The following CNTN3 variants were observed in gnomAD, a reference collection of about 807,000 sequenced individuals.
The protein encoded by CNTN3 is contactin 3.
A neutral mutation model predicts 119.1 loss-of-function variants in CNTN3; 60 were observed. The ratio of observed to expected loss-of-function variants is 0.50; its 90% CI spans 0.41 to 0.62. The LOEUF (loss-of-function observed/expected upper bound fraction) is 0.62. Ranked by LOEUF, CNTN3 falls within the 20% of genes least tolerant of loss-of-function variation. The pLI, the probability that CNTN3 is intolerant of heterozygous loss-of-function variation, is 0.00. For synonymous variants in CNTN3, 450 were observed against 438.7 expected (o/e 1.03, Z -0.32); for missense variants, 1,101 against 1,242.4 (o/e 0.89, Z 1.71).
At chr3:74,417,513 A>G (rs961308413) in intron 5 of CNTN3, among the ~76,000 whole-genome samples, 1 of 152,242 alleles carries the variant, frequency 6.6e-6, no homozygotes, top group South Asian at 2.1e-4. Context: ...GAGTAAATCA[A>G]TGAATGAATA....
At chr3:74,582,160 A>C (rs1015236933) in intron 1 of CNTN3, among the ~76,000 whole-genome samples, 2 of 152,180 alleles carry the variant, frequency 1.3e-5, no homozygotes, top group African/African-American at 4.8e-5. Context: ...TAATCCCAGC[A>C]CTTTGGGAGG....
At chr3:74,506,418 G>A (rs1023763202) in intron 2 of CNTN3, among the ~76,000 whole-genome samples, 6 of 152,074 alleles carry the variant, frequency 3.9e-5, no homozygotes, top group African/African-American at 1.2e-4. Context: ...TAGTTATAGC[G>A]CAGGACATAA....
intron 13 of CNTN3, among the ~76,000 whole-genome samples, chr3:74,310,198 A>G (rs896721590): frequency 6.6e-6 from 1 of 152,200 alleles, no homozygotes; most frequent in Non-Finnish European, 1.5e-5. Flanking sequence ...TATGAATGTT[A>G]CATAAGAGAA....
chr3:74,272,487 A>C (rs1701796818), intron 20 of CNTN3, among the ~76,000 whole-genome samples: 1 of 152,236 alleles, frequency 6.6e-6, no homozygotes. Context: ...AGCTTACAAA[A>C]CTAGGAATAA....
At chr3:74,539,967 T>C (rs1033885635) in intron 1 of CNTN3, among the ~76,000 whole-genome samples, 1 of 152,110 alleles carries the variant, frequency 6.6e-6, no homozygotes. Flanking sequence ...AATCCAGACC[T>C]GTATGACCCG....
intron 20 of CNTN3, 164 bp from the exon 21 acceptor site, chr3:74,267,542 A>C: frequency 1.9e-6 from 1 of 518,560 alleles, no homozygotes; most frequent in Non-Finnish European, 3.4e-6. Flanking sequence ...AGAGTATATA[A>C]ATTTCCTTTT....
Position 74,263,759 on chromosome 3 carries a change from G to A in CNTN3, c.*642C>T, listed in dbSNP as rs1023885947. ...CATGGGGCAAAGTCTGATCAGATAG[G>A]TATTATTATCTCCATATTTTATAGA... On this transcript the variant is annotated 3_prime_UTR_variant, in exon 23 of 23. Coordinates refer to ENST00000263665, the MANE Select transcript of CNTN3 (RefSeq NM_020872.3). 5 of 151,946 alleles carry A rather than the reference G, an allele frequency of 3.3e-5. No homozygotes were observed. Among genetic ancestry groups the A allele is most frequent in the Admixed American group, 3.3e-4 (5 of 15,228 alleles). 9.4% of individuals were successfully genotyped at this position (151,946 alleles called of 1,614,324 possible).
intron 5 of CNTN3, among the ~76,000 whole-genome samples, chr3:74,415,422 C>A (rs1701504461): frequency 6.6e-6 from 1 of 152,140 alleles, no homozygotes; most frequent in African/African-American, 2.4e-5. Context: ...TCCATGCTGA[C>A]TTTAATCCAA....
intron 4 of CNTN3, among the ~76,000 whole-genome samples, chr3:74,481,463 C>T (rs1702762396): frequency 6.6e-6 from 1 of 151,780 alleles, no homozygotes; most frequent in Admixed American, 6.6e-5. Context: ...TAGTAAAACT[C>T]CACATGTTTG....
intron 5 of CNTN3, among the ~76,000 whole-genome samples, chr3:74,406,535 A>G (rs909206025): frequency 2.0e-5 from 3 of 151,394 alleles, no homozygotes; most frequent in African/African-American, 2.4e-5. Context: ...ACACTGAACT[A>G]TGTGTTTTTT....
intron 20 of CNTN3, among the ~76,000 whole-genome samples, chr3:74,283,066 C>T (rs1464826172): frequency 1.3e-5 from 2 of 152,126 alleles, no homozygotes; most frequent in East Asian, 3.9e-4. Context: ...CCATGACCAC[C>T]TGTGATCATC....
At chr3:74,612,362 G>C (rs555330107) in intron 1 of CNTN3, among the ~76,000 whole-genome samples, 1 of 152,324 alleles carries the variant, frequency 6.6e-6, no homozygotes, top group East Asian at 1.9e-4. Context: ...AAAGTGCTCA[G>C]CACTTTGCTC....
chr3:74,512,691 G>GA (rs1703387567), intron 2 of CNTN3, among the ~76,000 whole-genome samples: 5 of 3,048 alleles, frequency 1.6e-3, no homozygotes, highest in African/African-American at 1.3e-3. Flanking sequence ...GCATAATCAA[G>GA]CAAAAAAAAA....
At chr3:74,412,915 A>T (rs1362263849) in intron 5 of CNTN3, among the ~76,000 whole-genome samples, 1 of 152,178 alleles carries the variant, frequency 6.6e-6, no homozygotes, top group Non-Finnish European at 1.5e-5. Flanking sequence ...TGGCTATCAT[A>T]TGCAGATCTC....
intron 13 of CNTN3, among the ~76,000 whole-genome samples, chr3:74,328,606 A>G (rs923892398): frequency 6.6e-5 from 10 of 152,148 alleles, no homozygotes; most frequent in African/African-American, 2.4e-4. Context: ...TGGACTATTC[A>G]TCTTCATAAA....
intron 1 of CNTN3, among the ~76,000 whole-genome samples, chr3:74,600,908 C>A (rs1253593934): frequency 6.6e-6 from 1 of 152,000 alleles, no homozygotes; most frequent in African/African-American, 2.4e-5. Flanking sequence ...CTTCCTTGAT[C>A]ATTCTACCTC....
In CNTN3 at chr3:74,411,227, C is replaced by T. The variant is rs111685868; in HGVS notation, c.454+13618G>A. On this transcript the variant is annotated intron_variant, in intron 5 of 22. Transcript: ENST00000263665. ...CATTTAAAATAGGTAAAAAAAAAGT[C>T]ACTCTATTTGAAGAGAAAGTTATGA... Among the ~76,000 whole-genome samples the T allele has an allele frequency of 2.3e-3, 353 of 150,700 alleles. 2 individuals carry two copies. Among genetic ancestry groups the T allele is most frequent in the African/African-American group, 8.4e-3 (344 of 41,132 alleles).
In CNTN3 at chr3:74,311,587, A is replaced by G. The variant is rs112514250; in HGVS notation, c.1669-8780T>C. On this transcript the variant is annotated intron_variant, in intron 13 of 22. Coordinates refer to ENST00000263665, the MANE Select transcript of CNTN3 (RefSeq NM_020872.3). ...GTTATAATTAAATGTCATGCCTTGC[A>G]AAGTAGAATGATTTTCTTTCTGAAA... is the stretch of plus-strand genomic sequence containing the variant. Among the ~76,000 whole-genome samples the G allele has an allele frequency of 3.0e-3, 455 of 152,306 alleles. 3 individuals are homozygous for G. The highest frequency in any genetic ancestry group is 0.01 in the African/African-American group (427 of 41,574).
At chr3:74,338,233 G>C (rs2106717146) in intron 11 of CNTN3, among the ~76,000 whole-genome samples, 1 of 152,044 alleles carries the variant, frequency 6.6e-6, no homozygotes, top group Admixed American at 6.6e-5. Context: ...AGAATAAATA[G>C]GAAAAATACT....
Sources: gnomAD v4.1 joint callset for allele counts (sites outside exome capture counted in the v4.1 genomes callset) on GRCh38, gnomAD v4.1.1 for gene constraint, MANE v1.5 for transcripts, NCBI Gene and HGNC (gene_info 2026-07-23, HGNC 2026-07-21) for gene names.